Variants in FSTL5 observed in about 807,000 individuals in gnomAD.
The protein encoded by FSTL5 is follistatin-related protein 5.
In FSTL5, 62 loss-of-function variants were observed where a neutral mutation model predicts 89.1. The ratio of observed to expected loss-of-function variants is 0.70; its 90% CI spans 0.57 to 0.86. The LOEUF is 0.86. FSTL5 is among the 40% of genes least tolerant of loss of function. The pLI is 0.00. For missense variants in FSTL5, 1,057 were observed against 1,001.6 expected (o/e 1.06, Z -0.75); for synonymous variants, 383 against 346.2 (o/e 1.11, Z -1.18).
chr4:161,685,453 T>C (rs558215178), intron 6 of FSTL5, among the ~76,000 whole-genome samples: 3 of 152,132 alleles, frequency 2.0e-5, no homozygotes, highest in Non-Finnish European at 4.4e-5. Context: ...TCCTTGTAGA[T>C]GTCTTTCACT....
intron 15 of FSTL5, among the ~76,000 whole-genome samples, chr4:161,449,768 T>C (rs529591406): frequency 8.2e-4 from 125 of 152,280 alleles, no homozygotes; most frequent in African/African-American, 2.9e-3. Context: ...TTGTTTTAAA[T>C]TGTATCAAAG....
intron 4 of FSTL5, among the ~76,000 whole-genome samples, chr4:161,856,128 T>C (rs1224095568): frequency 1.3e-5 from 2 of 152,066 alleles, no homozygotes; most frequent in Admixed American, 1.3e-4. Flanking sequence ...AAGAATGTAA[T>C]CTTTTGAGGT....
chr4:161,922,161 T>G (rs548284334), intron 3 of FSTL5, among the ~76,000 whole-genome samples: 2 of 152,096 alleles, frequency 1.3e-5, no homozygotes, highest in East Asian at 3.9e-4. Context: ...CAAATCTACT[T>G]GTAAAAAATT....
intron 7 of FSTL5, among the ~76,000 whole-genome samples, chr4:161,602,883 A>G (rs1200437485): frequency 2.6e-5 from 4 of 152,182 alleles, no homozygotes; most frequent in African/African-American, 9.6e-5. Flanking sequence ...TTAACAGCAA[A>G]TCTGCATTGT....
chr4:161,856,509 T>A (rs1441275891), intron 4 of FSTL5, among the ~76,000 whole-genome samples: 2 of 152,106 alleles, frequency 1.3e-5, no homozygotes, highest in African/African-American at 2.4e-5. Flanking sequence ...TTATTGGGCA[T>A]GTATTTTGCT....
intron 10 of FSTL5, among the ~76,000 whole-genome samples, chr4:161,512,221 T>C (rs1313183092): frequency 6.6e-6 from 1 of 152,098 alleles, no homozygotes; most frequent in Admixed American, 6.6e-5. Flanking sequence ...ACAACGCATG[T>C]GTTTCCTTAT....
At chr4:161,526,592 A>C (rs1731227625) in intron 10 of FSTL5, among the ~76,000 whole-genome samples, 1 of 152,176 alleles carries the variant, frequency 6.6e-6, no homozygotes, top group African/African-American at 2.4e-5. Context: ...CTAACGTTTA[A>C]GTCTTTAATC....
At chr4:161,488,143 G>A (rs1423910371) in intron 12 of FSTL5, among the ~76,000 whole-genome samples, 3 of 152,012 alleles carry the variant, frequency 2.0e-5, no homozygotes, top group Non-Finnish European at 4.4e-5. Context: ...ACTTTCATAA[G>A]TTTTAACTGA....
chr4:161,985,780 A>G (rs1322831039), intron 3 of FSTL5, among the ~76,000 whole-genome samples: 1 of 151,954 alleles, frequency 6.6e-6, no homozygotes, highest in Admixed American at 6.6e-5. Context: ...GGGAAAGTTG[A>G]ACATTTACAT....
intron 4 of FSTL5, among the ~76,000 whole-genome samples, chr4:161,805,995 A>G (rs1374821030): frequency 2.6e-5 from 4 of 152,112 alleles, no homozygotes; most frequent in Admixed American, 2.6e-4. Context: ...ATCTCTCACC[A>G]TACCTAATTA....
intron 5 of FSTL5, among the ~76,000 whole-genome samples, chr4:161,773,958 G>A (rs1349911888): frequency 6.6e-6 from 1 of 152,062 alleles, no homozygotes; most frequent in Non-Finnish European, 1.5e-5. Flanking sequence ...CATTCAATGA[G>A]TGGATAAAGA....
intron 13 of FSTL5, among the ~76,000 whole-genome samples, chr4:161,479,480 T>G (rs1398848256): frequency 6.6e-6 from 1 of 152,100 alleles, no homozygotes; most frequent in Admixed American, 6.6e-5. Flanking sequence ...ATTTCTAAAA[T>G]ATATTTCCAA....
intron 6 of FSTL5, among the ~76,000 whole-genome samples, chr4:161,700,210 C>T (rs950054078): frequency 2.6e-5 from 4 of 152,148 alleles, no homozygotes. Context: ...TACTTATGCT[C>T]ATTCTACCAT....
At chr4:161,969,842 G>A (rs1021976903) in intron 3 of FSTL5, among the ~76,000 whole-genome samples, 1 of 152,100 alleles carries the variant, frequency 6.6e-6, no homozygotes, top group Non-Finnish European at 1.5e-5. Context: ...AATAAGAAAT[G>A]AGGGATGATA....
At chr4:161,549,392 A>T (rs1432960161) in intron 8 of FSTL5, among the ~76,000 whole-genome samples, 1 of 151,818 alleles carries the variant, frequency 6.6e-6, no homozygotes, top group African/African-American at 2.4e-5. Context: ...TATGATATAT[A>T]TGATTAATAA....
chr4:161,809,946 C>G (rs140586053), intron 4 of FSTL5, among the ~76,000 whole-genome samples: 1 of 152,194 alleles, frequency 6.6e-6, no homozygotes, highest in African/African-American at 2.4e-5. Context: ...ACTTATACCA[C>G]AGAATATTTT....
chr4:161,446,949 C>T (rs1732966557), intron 15 of FSTL5, among the ~76,000 whole-genome samples: 1 of 151,588 alleles, frequency 6.6e-6, no homozygotes, highest in Non-Finnish European at 1.5e-5. Context: ...ATATGTAAGA[C>T]AGAAAAAAAA....
intron 4 of FSTL5, among the ~76,000 whole-genome samples, chr4:161,783,311 T>A (rs1027109366): frequency 6.6e-6 from 1 of 152,110 alleles, no homozygotes; most frequent in Non-Finnish European, 1.5e-5. Flanking sequence ...GACGTGCCTT[T>A]TACAGAATAT....
intron 2 of FSTL5, among the ~76,000 whole-genome samples, chr4:162,102,474 C>G (rs1224257776): frequency 6.7e-6 from 1 of 150,210 alleles, no homozygotes; most frequent in African/African-American, 2.4e-5. Flanking sequence ...ATGTGCCAGC[C>G]TTTGGCACAT....
Sources: allele counts gnomAD v4.1 joint callset (sites outside exome capture counted in the v4.1 genomes callset), GRCh38; gene constraint gnomAD v4.1.1; transcripts MANE v1.5; gene names NCBI Gene and HGNC (gene_info 2026-07-23, HGNC 2026-07-21).